Variants in MAGI2 observed in about 807,000 individuals in gnomAD.
MAGI2 encodes the protein membrane associated guanylate kinase, WW and PDZ domain containing 2.
Under a neutral mutation model 133.3 loss-of-function variants are expected in MAGI2, and 35 were observed. The ratio of observed to expected loss-of-function variants is 0.26; its 90% CI spans 0.20 to 0.35. The LOEUF is 0.35. MAGI2 is among the 10% of genes least tolerant of loss of function. MAGI2 has a pLI of 1.00. For missense variants in MAGI2, 1,636 were observed against 1,863.4 expected, an observed-to-expected ratio of 0.88 and a Z score of 2.25; for synonymous variants, 729 against 710.6, an observed-to-expected ratio of 1.03 and a Z score of -0.41.
At chr7:78,183,265 TG>T (rs1429736552) in intron 13 of MAGI2, among the ~76,000 whole-genome samples, 2 of 146,402 alleles carry the variant, frequency 1.4e-5, no homozygotes, top group African/African-American at 5.0e-5. Context: ...TTTGTATTTT[TG>T]TATTTTTTTT....
At chr7:79,356,083 ATTTTG>A (rs1842000570) in intron 1 of MAGI2, among the ~76,000 whole-genome samples, 1 of 152,194 alleles carries the variant, frequency 6.6e-6, no homozygotes, top group Admixed American at 6.5e-5. Context: ...AAAGGATATA[ATTTTG>A]TTTTGTCTAC....
chr7:78,726,634 G>A (rs1408726932), intron 2 of MAGI2, among the ~76,000 whole-genome samples: 2 of 151,886 alleles, frequency 1.3e-5, no homozygotes, highest in African/African-American at 2.4e-5. Context: ...AGGAATAAAT[G>A]GTTTCAACAT....
chr7:79,367,363 G>T (rs1415723455), intron 1 of MAGI2, among the ~76,000 whole-genome samples: 1 of 151,928 alleles, frequency 6.6e-6, no homozygotes, highest in Non-Finnish European at 1.5e-5. Flanking sequence ...CATTGATGTT[G>T]CTTATTTTTT....
chr7:79,078,639 A>G (rs1490367838), intron 1 of MAGI2, among the ~76,000 whole-genome samples: 2 of 152,234 alleles, frequency 1.3e-5, no homozygotes, highest in Admixed American at 1.3e-4. Flanking sequence ...ATGCAATGCA[A>G]TAAAAGAGGC....
chr7:78,020,866 G>T (rs1808324888), intron 21 of MAGI2, among the ~76,000 whole-genome samples: 1 of 152,004 alleles, frequency 6.6e-6, no homozygotes, highest in African/African-American at 2.4e-5. Context: ...TGCCAAGTCC[G>T]GATGGAACTT....
chr7:78,652,305 C>T (rs1038673817), intron 2 of MAGI2, among the ~76,000 whole-genome samples: 3 of 152,034 alleles, frequency 2.0e-5, no homozygotes, highest in Non-Finnish European at 4.4e-5. Flanking sequence ...GTTTGACTTC[C>T]AAATAGTAAA....
chr7:78,482,585 C>A (rs1275947399), intron 6 of MAGI2, among the ~76,000 whole-genome samples: 1 of 151,820 alleles, frequency 6.6e-6, no homozygotes, highest in Non-Finnish European at 1.5e-5. Context: ...TAAAAAGTAG[C>A]AAACTATTGA....
chr7:78,879,596 TG>T (rs765835286), intron 2 of MAGI2, among the ~76,000 whole-genome samples: 21 of 151,808 alleles, frequency 1.4e-4, no homozygotes, highest in Non-Finnish European at 2.1e-4. Flanking sequence ...CCTAACCACA[TG>T]AAAATAATTA....
At chr7:78,069,353 G>C (rs1326256526) in intron 21 of MAGI2, among the ~76,000 whole-genome samples, 4 of 152,140 alleles carry the variant, frequency 2.6e-5, no homozygotes, top group Non-Finnish European at 5.9e-5. Flanking sequence ...TAAAAATATA[G>C]AGTCCTGGAC....
At chr7:78,422,186 T>C (rs1034529465) in intron 6 of MAGI2, among the ~76,000 whole-genome samples, 1 of 152,172 alleles carries the variant, frequency 6.6e-6, no homozygotes, top group Non-Finnish European at 1.5e-5. Context: ...GGGCTTTGCA[T>C]GCAGAATGGA....
intron 1 of MAGI2, among the ~76,000 whole-genome samples, chr7:79,450,464 T>C (rs946433458): frequency 6.6e-6 from 1 of 152,156 alleles, no homozygotes; most frequent in Non-Finnish European, 1.5e-5. Flanking sequence ...CCACAAAAGG[T>C]AAAAGAAATA....
At chr7:78,529,667 G>GTTTTTTTTTTTTTTTTT (rs1563128653) in intron 3 of MAGI2, among the ~76,000 whole-genome samples, 8 of 56,320 alleles carry the variant, frequency 1.4e-4, no homozygotes, top group African/African-American at 4.5e-4. Context: ...TAAAGGAGAT[G>GTTTTTTTTTTTTTTTTT]GTTTTTTTTT....
chr7:79,424,329 T>C (rs1287524596), intron 1 of MAGI2, among the ~76,000 whole-genome samples: 1 of 152,018 alleles, frequency 6.6e-6, no homozygotes, highest in African/African-American at 2.4e-5. Context: ...CAATACTGCA[T>C]GATCTTATTC....
chr7:78,447,403 C>T (rs11760299), intron 6 of MAGI2, among the ~76,000 whole-genome samples: 66,089 of 150,172 alleles, frequency 0.44, 17,627 homozygotes, highest in Non-Finnish European at 0.59. Flanking sequence ...GCTCCCTGGT[C>T]TCAAATATAA....
intron 9 of MAGI2, among the ~76,000 whole-genome samples, chr7:78,300,391 A>G (rs1190175847): frequency 3.9e-5 from 6 of 152,210 alleles, no homozygotes; most frequent in African/African-American, 1.4e-4. Context: ...ACTGCCAAAG[A>G]CAATCATGAC....
chr7:78,329,242 T>A (rs798311), intron 9 of MAGI2, among the ~76,000 whole-genome samples: 2 of 152,096 alleles, frequency 1.3e-5, no homozygotes, highest in African/African-American at 2.4e-5. Context: ...CAGACTCCAG[T>A]GCACTCTATC....
intron 1 of MAGI2, among the ~76,000 whole-genome samples, chr7:79,349,912 G>A (rs1438166244): frequency 6.6e-6 from 1 of 151,966 alleles, no homozygotes; most frequent in Non-Finnish European, 1.5e-5. Context: ...TGTGAAATAA[G>A]AATACTCGCC....
At chr7:78,860,114 G>A (rs767415816) in intron 2 of MAGI2, among the ~76,000 whole-genome samples, 13 of 152,076 alleles carry the variant, frequency 8.5e-5, no homozygotes, top group Admixed American at 2.6e-4. Context: ...TCTTCTCTAC[G>A]CTGTTTATTC....
intron 1 of MAGI2, among the ~76,000 whole-genome samples, chr7:79,218,396 T>C (rs976823634): frequency 2.0e-5 from 3 of 151,956 alleles, no homozygotes; most frequent in Non-Finnish European, 4.4e-5. Flanking sequence ...CGCCGTCAGG[T>C]GGGGAGATGA....
Sources: allele counts gnomAD v4.1 joint callset (sites outside exome capture counted in the v4.1 genomes callset), GRCh38; gene constraint gnomAD v4.1.1; transcripts MANE v1.5; gene names NCBI Gene and HGNC (gene_info 2026-07-23, HGNC 2026-07-21).